Variants in CNKSR3 observed in about 807,000 individuals in gnomAD.
CNKSR3 encodes the protein connector enhancer of kinase suppressor of ras 3.
Under a neutral mutation model 67.7 loss-of-function variants are expected in CNKSR3, and 36 were observed. The ratio of observed to expected loss-of-function variants is 0.53; its 90% CI spans 0.41 to 0.70. The LOEUF (loss-of-function observed/expected upper bound fraction) is 0.70, where lower values mean the gene tolerates loss of function less well. Ranked by LOEUF, CNKSR3 falls within the 30% of genes least tolerant of loss-of-function variation. CNKSR3 has a pLI of 0.00. For synonymous variants in CNKSR3, 281 were observed against 271.4 expected (o/e 1.04, Z -0.35); for missense variants, 630 against 695.2 (o/e 0.91, Z 1.05).
chr6:154,464,552 T>TA (rs1407174325), intron 1 of CNKSR3, among the ~76,000 whole-genome samples: 2 of 150,622 alleles, frequency 1.3e-5, no homozygotes, highest in Non-Finnish European at 3.0e-5. Flanking sequence ...CCATCTCTAC[T>TA]AAAATACAAA....
chr6:154,481,239 CTTAT>C (rs1333972257), intron 1 of CNKSR3, among the ~76,000 whole-genome samples: 1 of 148,474 alleles, frequency 6.7e-6, no homozygotes. Context: ...ATTTATTTGG[CTTAT>C]TTATTTATGC....
chr6:154,472,548 T>C (rs887134677), intron 1 of CNKSR3, among the ~76,000 whole-genome samples: 1 of 152,000 alleles, frequency 6.6e-6, no homozygotes, highest in Non-Finnish European at 1.5e-5. Context: ...TCCTAGCACA[T>C]CTCGCTATGT....
At chr6:154,505,377 A>T (rs1233345250) in intron 1 of CNKSR3, among the ~76,000 whole-genome samples, 1 of 151,602 alleles carries the variant, frequency 6.6e-6, no homozygotes, top group African/African-American at 2.4e-5. Context: ...TTGGTTGGTG[A>T]TGGGGACTGC....
chr6:154,455,129 G>T (rs1381334350), intron 1 of CNKSR3, among the ~76,000 whole-genome samples: 1 of 150,744 alleles, frequency 6.6e-6, no homozygotes, highest in East Asian at 2.0e-4. Flanking sequence ...GGCCAACATG[G>T]TGAAACCCCA....
intron 5 of CNKSR3, among the ~76,000 whole-genome samples, chr6:154,432,347 T>C (rs1201689857): frequency 6.6e-6 from 1 of 152,232 alleles, no homozygotes; most frequent in Admixed American, 6.5e-5. Flanking sequence ...TCCTTTTTAA[T>C]TGGGTTGTTT....
At chr6:154,454,735 T>C (rs1042465729) in intron 1 of CNKSR3, among the ~76,000 whole-genome samples, 98 of 151,868 alleles carry the variant, frequency 6.5e-4, no homozygotes, top group African/African-American at 2.3e-3. Flanking sequence ...TTGCCCAGGC[T>C]GGTCTTGAAC....
At chr6:154,436,407 C>T (rs946696847) in intron 4 of CNKSR3, among the ~76,000 whole-genome samples, 1 of 152,156 alleles carries the variant, frequency 6.6e-6, no homozygotes. Context: ...GCAATCCTCC[C>T]AACTTGGCCT....
intron 10 of CNKSR3, 32 bp from the exon 11 acceptor site, chr6:154,411,174 T>C: frequency 2.0e-6 from 3 of 1,487,226 alleles, no homozygotes; most frequent in Non-Finnish European, 2.8e-6. Flanking sequence ...AATTAAGTTG[T>C]TTACAAAGAT....
intron 4 of CNKSR3, among the ~76,000 whole-genome samples, chr6:154,440,427 C>A (rs1351756993): frequency 1.3e-5 from 2 of 152,150 alleles, no homozygotes; most frequent in African/African-American, 2.4e-5. Context: ...CAATTCAATT[C>A]AAAAATATTT....
At chr6:154,443,414 G>T (rs1562335404) in intron 2 of CNKSR3, among the ~76,000 whole-genome samples, 1 of 150,898 alleles carries the variant, frequency 6.6e-6, no homozygotes, top group Non-Finnish European at 1.5e-5. Flanking sequence ...TCCTCCCCCG[G>T]TGTGACAACC....
intron 1 of CNKSR3, among the ~76,000 whole-genome samples, chr6:154,475,182 G>C (rs112082235): frequency 6.6e-6 from 1 of 152,090 alleles, no homozygotes; most frequent in African/African-American, 2.4e-5. Flanking sequence ...AGGCCCATCC[G>C]ACTCCAGAAC....
chr6:154,411,633 C>CAAAAAA (rs57943019), intron 10 of CNKSR3, among the ~76,000 whole-genome samples: 14 of 103,338 alleles, frequency 1.4e-4, no homozygotes, highest in East Asian at 2.7e-4. Context: ...GACTCCATCT[C>CAAAAAA]AAAAAAAAAA....
intron 2 of CNKSR3, among the ~76,000 whole-genome samples, chr6:154,444,603 A>G (rs1235902411): frequency 1.3e-5 from 2 of 150,944 alleles, no homozygotes; most frequent in East Asian, 2.0e-4. Flanking sequence ...GAAGTGGAGA[A>G]ACTTTTTTTT....
intron 1 of CNKSR3, among the ~76,000 whole-genome samples, chr6:154,452,172 T>C (rs1159120289): frequency 6.6e-6 from 1 of 152,172 alleles, no homozygotes; most frequent in Non-Finnish European, 1.5e-5. Flanking sequence ...TCACGGAGGA[T>C]ACATAACCTG....
rs1246035012 is a variant in CNKSR3, at chr6:154,411,097, T to G, written c.1116A>C (p.Lys372Asn). The G allele has an allele frequency of 6.2e-7, 1 of 1,614,056 alleles. No homozygotes were observed. Among genetic ancestry groups the G allele is most frequent in the Non-Finnish European group, 8.5e-7 (1 of 1,179,960 alleles). Residue 372 changes from lysine (K) to asparagine (N), a missense_variant, in exon 11 of 13, where the codon AAA becomes AAC. Coordinates refer to ENST00000607772, the MANE Select transcript of CNKSR3 (RefSeq NM_173515.4). ...SFVYGGSSKCKQPLPGPKGSE... is the reference protein window; with the variant it reads ...SFVYGGSSKCNQPLPGPKGSE... ...AACCCTTAGGACCAGGCAATGGTTG[T>G]TTGCACTTACTGGACCCTCCATAAA...
chr6:154,414,738 T>G (rs770790062), intron 9 of CNKSR3: 1 of 535,190 alleles, frequency 1.9e-6, no homozygotes, highest in South Asian at 1.4e-5. Flanking sequence ...TGTAAAGGAG[T>G]GATACTGATA....
At chr6:154,474,224 C>T (rs1269216146) in intron 1 of CNKSR3, among the ~76,000 whole-genome samples, 1 of 150,770 alleles carries the variant, frequency 6.6e-6, no homozygotes, top group East Asian at 2.0e-4. Context: ...CATCCTGGCT[C>T]ACATGGTGAA....
chr6:154,459,600 AG>A (rs1407916518), intron 1 of CNKSR3, among the ~76,000 whole-genome samples: 3 of 152,254 alleles, frequency 2.0e-5, no homozygotes, highest in Non-Finnish European at 4.4e-5. Context: ...ATGGAAGGAC[AG>A]TCAACCCTAA....
intron 12 of CNKSR3, among the ~76,000 whole-genome samples, chr6:154,408,053 C>T (rs1156238260): frequency 6.6e-6 from 1 of 151,924 alleles, no homozygotes; most frequent in Non-Finnish European, 1.5e-5. Flanking sequence ...GAGACGGAGT[C>T]TCACTCTGTT....
Sources: allele counts gnomAD v4.1 joint callset (sites outside exome capture counted in the v4.1 genomes callset), GRCh38; gene constraint gnomAD v4.1.1; transcripts MANE v1.5; gene names NCBI Gene and HGNC (gene_info 2026-07-23, HGNC 2026-07-21).